TAOK3: variants seen among roughly 807,000 people sequenced by gnomAD.
The protein encoded by TAOK3 is TAO kinase 3.
In TAOK3, 40 loss-of-function variants were observed where a neutral mutation model predicts 120.4. The ratio of observed to expected loss-of-function variants is 0.33; its 90% CI spans 0.26 to 0.43. The LOEUF is 0.43. Ranked by LOEUF, TAOK3 falls within the 20% of genes least tolerant of loss-of-function variation. TAOK3 has a pLI of 1.00. For synonymous variants in TAOK3, 355 were observed against 387.5 expected (o/e 0.92, Z 0.99); for missense variants, 821 against 1,112.1 (o/e 0.74, Z 3.72).
rs533091521 is a variant in TAOK3, at chr12:118,211,317, C to T, written c.819+1597G>A. On this transcript the variant is annotated intron_variant, in intron 11 of 20. Coordinates refer to ENST00000392533, the MANE Select transcript of TAOK3 (RefSeq NM_016281.4). ...TTTTGTTTTCTTTTTCAGGAATAAT[C>T]GGTTGGCATATATTAGATCTCCTGT... Among the ~76,000 whole-genome samples the T allele has an allele frequency of 1.2e-3, 182 of 152,166 alleles. 2 individuals are homozygous for T. Among genetic ancestry groups the T allele is most frequent in the South Asian group, 5.6e-3 (27 of 4,818 alleles).
At chr12:118,308,804 C>T (rs2043147287) in intron 1 of TAOK3, among the ~76,000 whole-genome samples, 1 of 151,464 alleles carries the variant, frequency 6.6e-6, no homozygotes, top group Admixed American at 6.6e-5. Context: ...GTGGCACATG[C>T]CTGTAATCCC....
intron 1 of TAOK3, among the ~76,000 whole-genome samples, chr12:118,365,276 C>T (rs79550891): frequency 0.022 from 3,404 of 152,224 alleles, 121 homozygotes; most frequent in African/African-American, 0.077. Flanking sequence ...CTCTATCAGC[C>T]GGGCTGGAAT....
At chr12:118,241,946 A>C (rs1350752680) in intron 5 of TAOK3, among the ~76,000 whole-genome samples, 1 of 152,106 alleles carries the variant, frequency 6.6e-6, no homozygotes, top group Admixed American at 6.6e-5. Context: ...CCCCGTCTCT[A>C]CTAAATACAC....
chr12:118,265,279 C>T (rs956792073), intron 2 of TAOK3, among the ~76,000 whole-genome samples: 9 of 151,520 alleles, frequency 5.9e-5, no homozygotes, highest in African/African-American at 1.9e-4. Flanking sequence ...ATCCTAGCTA[C>T]TCAGGACGCT....
chr12:118,351,227 G>T (rs1052003189), intron 1 of TAOK3, among the ~76,000 whole-genome samples: 1 of 152,118 alleles, frequency 6.6e-6, no homozygotes, highest in Non-Finnish European at 1.5e-5. Context: ...GAATAGAGAA[G>T]TAGTTTGTAT....
At chr12:118,225,460 T>C (rs2039457681) in intron 9 of TAOK3, among the ~76,000 whole-genome samples, 1 of 151,800 alleles carries the variant, frequency 6.6e-6, no homozygotes, top group African/African-American at 2.4e-5. Context: ...GAGATGAAAA[T>C]GTATGATAAA....
chr12:118,368,444 C>T (rs1247109718), intron 1 of TAOK3, among the ~76,000 whole-genome samples: 3 of 151,604 alleles, frequency 2.0e-5, no homozygotes, highest in African/African-American at 7.2e-5. Context: ...GTGATTCACC[C>T]GCCTTGGCCT....
chr12:118,369,042 G>T (rs922810342), intron 1 of TAOK3, among the ~76,000 whole-genome samples: 1 of 147,074 alleles, frequency 6.8e-6, no homozygotes, highest in Non-Finnish European at 1.5e-5. Context: ...AGAAGAAAAA[G>T]CCAGGCGTGA....
At chr12:118,211,665 G>C (rs1432490568) in intron 11 of TAOK3, among the ~76,000 whole-genome samples, 1 of 148,926 alleles carries the variant, frequency 6.7e-6, no homozygotes, top group Non-Finnish European at 1.5e-5. Flanking sequence ...GCCCAGGCTG[G>C]AGTGCAGTGG....
intron 19 of TAOK3, among the ~76,000 whole-genome samples, chr12:118,155,007 T>TA (rs1566223423): frequency 5.2e-4 from 60 of 115,050 alleles, no homozygotes; most frequent in African/African-American, 2.1e-3. Context: ...ATATATATAT[T>TA]TTTTTTTGAG....
At chr12:118,167,766 A>C (rs1277442) in intron 17 of TAOK3, among the ~76,000 whole-genome samples, 107,681 of 151,420 alleles carry the variant, frequency 0.71, 38,407 homozygotes, top group South Asian at 0.76. Context: ...CAATCAAGTT[A>C]TATCTCTCCT....
chr12:118,356,985 CAT>C (rs1251501568), intron 1 of TAOK3, among the ~76,000 whole-genome samples: 1 of 152,174 alleles, frequency 6.6e-6, no homozygotes, highest in Non-Finnish European at 1.5e-5. Context: ...TGGTTGGTAA[CAT>C]AAAAATGATT....
intron 11 of TAOK3, among the ~76,000 whole-genome samples, chr12:118,211,613 CT>C (rs5801272): frequency 0.7 from 96,083 of 137,242 alleles, 33,310 homozygotes; most frequent in South Asian, 0.74. Context: ...TCATATTTTC[CT>C]TTTTTTTTTT....
chr12:118,342,340 C>T (rs963750164), intron 1 of TAOK3, among the ~76,000 whole-genome samples: 8 of 152,174 alleles, frequency 5.3e-5, no homozygotes, highest in African/African-American at 1.7e-4. Flanking sequence ...ATTAGCACAA[C>T]ATGAAATAGC....
chr12:118,245,134 G>T (rs925149311), intron 3 of TAOK3, among the ~76,000 whole-genome samples, 169 bp from the exon 4 acceptor site: 12 of 152,084 alleles, frequency 7.9e-5, no homozygotes, highest in African/African-American at 2.9e-4. Context: ...TTGGGTTCAA[G>T]CGATTCTCCT....
chr12:118,256,590 G>A (rs1474487760), intron 2 of TAOK3, among the ~76,000 whole-genome samples: 1 of 152,158 alleles, frequency 6.6e-6, no homozygotes, highest in Admixed American at 6.5e-5. Flanking sequence ...AAGGAATGAA[G>A]TATTGGCTGC....
At chr12:118,220,747 G>A (rs2039190125) in intron 9 of TAOK3, among the ~76,000 whole-genome samples, 1 of 152,066 alleles carries the variant, frequency 6.6e-6, no homozygotes, top group South Asian at 2.1e-4. Context: ...CAAGCACTCT[G>A]CCTAGGAACA....
intron 11 of TAOK3, among the ~76,000 whole-genome samples, chr12:118,207,069 G>A (rs1281749358): frequency 6.6e-6 from 1 of 152,124 alleles, no homozygotes; most frequent in African/African-American, 2.4e-5. Flanking sequence ...GGTCATGCCT[G>A]TAATCCCAGC....
chr12:118,264,869 A>G (rs1261817303), intron 2 of TAOK3, among the ~76,000 whole-genome samples: 1 of 151,716 alleles, frequency 6.6e-6, no homozygotes, highest in Non-Finnish European at 1.5e-5. Flanking sequence ...CCCTGTCTCT[A>G]CTAAAAACAC....
Sources: gnomAD v4.1 joint callset for allele counts (sites outside exome capture counted in the v4.1 genomes callset) on GRCh38, gnomAD v4.1.1 for gene constraint, MANE v1.5 for transcripts, NCBI Gene and HGNC (gene_info 2026-07-23, HGNC 2026-07-21) for gene names.